The following CNTNAP2 variants were observed in gnomAD, a reference collection of about 807,000 sequenced individuals.
CNTNAP2 encodes contactin associated protein 2.
A neutral mutation model predicts 155.2 loss-of-function variants in CNTNAP2; 98 were observed. The ratio of observed to expected loss-of-function variants is 0.63; its 90% CI spans 0.54 to 0.75. The LOEUF is 0.75. CNTNAP2 is among the 30% of genes least tolerant of loss of function. The probability of loss-of-function intolerance (pLI) is 0.00; values close to 1 mark genes in which losing one functional copy is unlikely to be tolerated. For synonymous variants in CNTNAP2, 651 were observed against 631.2 expected, an observed-to-expected ratio of 1.03 and a Z score of -0.47; for missense variants, 1,727 against 1,688.1, an observed-to-expected ratio of 1.02 and a Z score of -0.40.
At chr7:146,238,014 T>C (rs115861330) in intron 1 of CNTNAP2, among the ~76,000 whole-genome samples, 2,109 of 152,278 alleles carry the variant, frequency 0.014, 55 homozygotes, top group African/African-American at 0.048. Flanking sequence ...CAAGCTTATG[T>C]ATATGATTGT....
At chr7:146,941,781 T>TA (rs1481051078) in intron 3 of CNTNAP2, among the ~76,000 whole-genome samples, 5 of 150,444 alleles carry the variant, frequency 3.3e-5, no homozygotes, top group African/African-American at 1.2e-4. Context: ...GTTGACAGAT[T>TA]TTTTTTTTTC....
intron 3 of CNTNAP2, among the ~76,000 whole-genome samples, chr7:146,910,315 A>T (rs1202788229): frequency 4.7e-5 from 7 of 150,256 alleles, no homozygotes; most frequent in Non-Finnish European, 1.5e-5. Flanking sequence ...TTTAAAGTTC[A>T]TATGGTACCA....
chr7:147,307,522 T>C (rs1197811033), intron 9 of CNTNAP2, among the ~76,000 whole-genome samples: 1 of 152,130 alleles, frequency 6.6e-6, no homozygotes, highest in Non-Finnish European at 1.5e-5. Flanking sequence ...AGGCAGAGGT[T>C]GCAGTGAGAC....
At position 148,341,062 on chromosome 7, in the gene CNTNAP2, C is replaced by T. The variant is rs377121268; in HGVS notation, c.3476-42587C>T. Among the ~76,000 whole-genome samples, 27 of 152,326 alleles carry T rather than the reference C, an allele frequency of 1.8e-4. 2 individuals are homozygous for T. The South Asian group carries it at 5.6e-3, about 32-fold the overall frequency. On this transcript the variant is annotated intron_variant, in intron 21 of 23. Transcript: ENST00000361727. ...CGACTGCTGATCCAGGAATTCCATG[C>T]ACATATGCTATGCACTTAGCGCTGA...
chr7:146,977,464 A>T (rs1413571061), intron 3 of CNTNAP2, among the ~76,000 whole-genome samples: 1 of 152,098 alleles, frequency 6.6e-6, no homozygotes, highest in Non-Finnish European at 1.5e-5. Flanking sequence ...GTTTTGGAAG[A>T]CTCTCAGGAG....
chr7:148,165,409 AC>A (rs1380388315), intron 17 of CNTNAP2, among the ~76,000 whole-genome samples: 12 of 152,146 alleles, frequency 7.9e-5, no homozygotes, highest in Non-Finnish European at 7.3e-5. Flanking sequence ...TTTTGAGGGG[AC>A]ACAGTTCAGT....
chr7:148,118,761 A>T (rs1409163496), intron 16 of CNTNAP2, among the ~76,000 whole-genome samples: 1 of 152,162 alleles, frequency 6.6e-6, no homozygotes. Context: ...CAATTCCATG[A>T]CACAGAGTCT....
At chr7:148,408,415 A>G (rs528640732) in intron 22 of CNTNAP2, among the ~76,000 whole-genome samples, 1 of 152,354 alleles carries the variant, frequency 6.6e-6, no homozygotes, top group South Asian at 2.1e-4. Flanking sequence ...ATTATCCCGG[A>G]TAATCTTGGA....
intron 8 of CNTNAP2, among the ~76,000 whole-genome samples, chr7:147,256,783 AC>A (rs967158152): frequency 2.0e-5 from 3 of 152,036 alleles, no homozygotes; most frequent in African/African-American, 4.8e-5. Context: ...GACGCATTGA[AC>A]TTGGTGTCAT....
Position 148,247,625 on chromosome 7 carries a change from C to CTATTTATTTATT in CNTNAP2, c.3381+17876_3381+17887dup, listed in dbSNP as rs71527888. On this transcript the variant is annotated intron_variant, in intron 20 of 23. Transcript: ENST00000361727. ...TCTCTCTCTCTCTCTCTCTCTCTCT[C>CTATTTATTTATT]TATTTATTTATTTATTTATTTATTT... Among the ~76,000 whole-genome samples the CTATTTATTTATT allele has an allele frequency of 1.9e-3, 195 of 105,308 alleles. 1 individual carries two copies. Among genetic ancestry groups the CTATTTATTTATT allele is most frequent in the African/African-American group, 5.3e-3 (136 of 25,852 alleles). 69.1% of individuals were successfully genotyped at this position (105,308 alleles called of 152,430 possible).
At chr7:147,166,452 G>A (rs1802115049) in intron 8 of CNTNAP2, among the ~76,000 whole-genome samples, 1 of 152,062 alleles carries the variant, frequency 6.6e-6, no homozygotes, top group Non-Finnish European at 1.5e-5. Context: ...TATACCGCTC[G>A]GGTGATGGGT....
intron 21 of CNTNAP2, among the ~76,000 whole-genome samples, chr7:148,334,348 A>G (rs1407670623): frequency 1.3e-5 from 2 of 152,186 alleles, no homozygotes; most frequent in Non-Finnish European, 2.9e-5. Flanking sequence ...CATGGGTTTT[A>G]GGTGCAGCCT....
chr7:147,815,304 CA>C (rs1339205268), intron 13 of CNTNAP2, among the ~76,000 whole-genome samples: 1 of 151,960 alleles, frequency 6.6e-6, no homozygotes, highest in African/African-American at 2.4e-5. Context: ...AAGATGATGT[CA>C]AGATGATTAA....
chr7:147,119,712 AAAGGAAGG>A (rs967642367), intron 5 of CNTNAP2, among the ~76,000 whole-genome samples: 5 of 151,788 alleles, frequency 3.3e-5, no homozygotes, highest in African/African-American at 1.2e-4. Flanking sequence ...ACAAAGGGAG[AAAGGAAGG>A]AAGGAAGGAA....
chr7:146,626,205 C>G (rs1174042514), intron 1 of CNTNAP2, among the ~76,000 whole-genome samples: 1 of 152,050 alleles, frequency 6.6e-6, no homozygotes, highest in Non-Finnish European at 1.5e-5. Flanking sequence ...GTTTACTTTT[C>G]TAAAAATGTT....
intron 22 of CNTNAP2, among the ~76,000 whole-genome samples, chr7:148,392,944 C>T (rs1799385689): frequency 6.6e-6 from 1 of 152,190 alleles, no homozygotes; most frequent in African/African-American, 2.4e-5. Flanking sequence ...GTCACCACAT[C>T]GGACACTTTA....
intron 13 of CNTNAP2, among the ~76,000 whole-genome samples, chr7:147,749,196 T>C (rs17133833): frequency 0.59 from 89,325 of 152,110 alleles, 29,086 homozygotes; most frequent in East Asian, 0.9. Flanking sequence ...TATACAAATA[T>C]GTGTTTATGA....
chr7:147,098,400 TACTC>T (rs924076190), intron 4 of CNTNAP2, among the ~76,000 whole-genome samples: 15 of 151,936 alleles, frequency 9.9e-5, no homozygotes, highest in African/African-American at 3.6e-4. Context: ...GAATTTATCT[TACTC>T]AGTCTTAATT....
intron 2 of CNTNAP2, among the ~76,000 whole-genome samples, chr7:146,788,305 G>C (rs1802612555): frequency 6.6e-6 from 1 of 152,226 alleles, no homozygotes; most frequent in Admixed American, 6.5e-5. Context: ...CAGAGTGGAC[G>C]CCGAGGCCGA....
Sources: gnomAD v4.1 joint callset for allele counts (sites outside exome capture counted in the v4.1 genomes callset) on GRCh38, gnomAD v4.1.1 for gene constraint, MANE v1.5 for transcripts, NCBI Gene and HGNC (gene_info 2026-07-23, HGNC 2026-07-21) for gene names.